DLG2: variants seen among roughly 807,000 people sequenced by gnomAD.
DLG2 encodes the protein disks large homolog 2.
A neutral mutation model predicts 132.5 loss-of-function variants in DLG2; 45 were observed. The ratio of observed to expected loss-of-function variants is 0.34; its 90% CI spans 0.27 to 0.44. The LOEUF is 0.44. Among genes scored for constraint, DLG2 ranks in the 20% least tolerant of loss-of-function variants. The pLI, the probability that DLG2 is intolerant of heterozygous loss-of-function variation, is 1.00. For missense variants in DLG2, 1,045 were observed against 1,196.9 expected, an observed-to-expected ratio of 0.87 and a Z score of 1.87; for synonymous variants, 424 against 419.6, an observed-to-expected ratio of 1.01 and a Z score of -0.13.
At chr11:83,573,308 T>C (rs1313734940) in intron 19 of DLG2, among the ~76,000 whole-genome samples, 2 of 152,172 alleles carry the variant, frequency 1.3e-5, no homozygotes, top group African/African-American at 4.8e-5. Flanking sequence ...CTCTATGTCA[T>C]CAGTTAGGCA....
At chr11:84,457,164 A>G (rs1180980238) in intron 7 of DLG2, among the ~76,000 whole-genome samples, 1 of 151,210 alleles carries the variant, frequency 6.6e-6, no homozygotes, top group Admixed American at 6.6e-5. Flanking sequence ...AACAGAAAAC[A>G]TAAAACCTGA....
intron 7 of DLG2, among the ~76,000 whole-genome samples, chr11:84,508,040 A>G (rs1426192692): frequency 6.6e-6 from 1 of 152,192 alleles, no homozygotes; most frequent in Non-Finnish European, 1.5e-5. Context: ...AGTCAAAATA[A>G]TCCTTTTCAA....
At chr11:84,696,107 A>G (rs2058587117) in intron 6 of DLG2, among the ~76,000 whole-genome samples, 1 of 151,572 alleles carries the variant, frequency 6.6e-6, no homozygotes, top group Admixed American at 6.6e-5. Flanking sequence ...ATAAAATTGA[A>G]TAAGTAGAAG....
chr11:85,075,756 A>T (rs565917904), intron 6 of DLG2, among the ~76,000 whole-genome samples: 1 of 152,040 alleles, frequency 6.6e-6, no homozygotes, highest in African/African-American at 2.4e-5. Flanking sequence ...ACTCTCAGAA[A>T]ATATATAATA....
chr11:84,365,298 G>A (rs1187825901), intron 7 of DLG2, among the ~76,000 whole-genome samples: 455 of 152,082 alleles, frequency 3.0e-3, no homozygotes, highest in African/African-American at 0.011. Flanking sequence ...GTTTATTTGC[G>A]TAGAGGTGTT....
chr11:83,731,417 TG>T (rs2090984985), intron 18 of DLG2, among the ~76,000 whole-genome samples: 1 of 152,236 alleles, frequency 6.6e-6, no homozygotes, highest in Non-Finnish European at 1.5e-5. Flanking sequence ...GTTAGTTTGC[TG>T]AGGATGGTGG....
rs568970070 is a variant in DLG2 at position 85,007,094 on chromosome 11, G to A, written c.357+104567C>T. On this transcript the variant is annotated intron_variant, in intron 6 of 27. Coordinates refer to ENST00000376104, the MANE Select transcript of DLG2 (RefSeq NM_001142699.3). ...GATGATTTTATTCTTATGAAACTCC[G>A]TGAATTAGAAGTCATGGTTGCAAAT... 2.4e-4 allele frequency among the ~76,000 whole-genome samples: 36 copies of A among 152,064 alleles called. No homozygotes were observed. In the East Asian group the frequency reaches 5.6e-3, roughly 24 times the overall value.
intron 7 of DLG2, among the ~76,000 whole-genome samples, chr11:84,483,829 T>C (rs935653648): frequency 1.3e-5 from 2 of 152,180 alleles, no homozygotes; most frequent in African/African-American, 4.8e-5. Context: ...TTAATGGATC[T>C]AAGGAAAGAA....
intron 11 of DLG2, among the ~76,000 whole-genome samples, chr11:84,022,133 T>G (rs902111850): frequency 2.0e-5 from 3 of 152,176 alleles, no homozygotes; most frequent in South Asian, 2.1e-4. Flanking sequence ...TTTCAAGTGT[T>G]ACCACCATTA....
At chr11:84,810,194 A>G (rs1056841998) in intron 6 of DLG2, among the ~76,000 whole-genome samples, 1 of 152,120 alleles carries the variant, frequency 6.6e-6, no homozygotes, top group Non-Finnish European at 1.5e-5. Context: ...ATAGGAGAAA[A>G]TATTTGTAAA....
At chr11:84,523,872 T>G (rs1400477374) in intron 7 of DLG2, among the ~76,000 whole-genome samples, 1 of 152,222 alleles carries the variant, frequency 6.6e-6, no homozygotes, top group Non-Finnish European at 1.5e-5. Context: ...TTATTATGAT[T>G]TTAATAACCT....
At chr11:84,353,376 AC>A (rs1392645409) in intron 7 of DLG2, among the ~76,000 whole-genome samples, 3 of 152,144 alleles carry the variant, frequency 2.0e-5, no homozygotes, top group Admixed American at 2.0e-4. Flanking sequence ...TTGGTGAATG[AC>A]ACTGCCATTC....
rs538844880 is a variant in DLG2 at position 85,470,610 on chromosome 11, G to C, written c.40+128047C>G. ...TGGTGTTGCATTCCCCAGCTACTCA[G>C]GGGGCTGAGGCTGAGGCTGAGGCAT... On this transcript the variant is annotated intron_variant, in intron 3 of 27. Transcript: ENST00000376104. Among the ~76,000 whole-genome samples the C allele has an allele frequency of 9.9e-5, 15 of 152,244 alleles. No individual in the cohort carries two copies. The South Asian group carries it at 2.5e-3, about 25-fold the overall frequency.
chr11:83,850,953 G>T (rs540142075), intron 16 of DLG2, among the ~76,000 whole-genome samples: 7 of 151,994 alleles, frequency 4.6e-5, no homozygotes, highest in Non-Finnish European at 1.0e-4. Context: ...GAGGCGGGCA[G>T]ATCACGAGGT....
chr11:84,811,252 T>A (rs2153971995), intron 6 of DLG2, among the ~76,000 whole-genome samples: 1 of 152,212 alleles, frequency 6.6e-6, no homozygotes, highest in Middle Eastern at 3.4e-3. Context: ...CCAGCTGGTA[T>A]ATAAGGTATG....
chr11:83,881,285 G>C (rs947819966), intron 15 of DLG2, among the ~76,000 whole-genome samples: 3 of 152,054 alleles, frequency 2.0e-5, no homozygotes, highest in South Asian at 2.1e-4. Context: ...TTATATATTT[G>C]TGACCTCAAA....
chr11:83,676,392 C>T (rs1365981566), intron 18 of DLG2, among the ~76,000 whole-genome samples: 3 of 152,158 alleles, frequency 2.0e-5, no homozygotes, highest in Non-Finnish European at 4.4e-5. Context: ...GCTAGCTTTA[C>T]TGATGTACTT....
At chr11:83,473,832 G>T (rs759091925) in intron 22 of DLG2, among the ~76,000 whole-genome samples, 103 of 152,214 alleles carry the variant, frequency 6.8e-4, no homozygotes, top group Non-Finnish European at 1.2e-3. Flanking sequence ...ACCACAGAAA[G>T]AGAGGTAATT....
intron 6 of DLG2, among the ~76,000 whole-genome samples, chr11:84,970,383 C>G (rs765431492): frequency 9.9e-5 from 15 of 152,250 alleles, no homozygotes; most frequent in Admixed American, 1.3e-4. Flanking sequence ...TTCATTCATT[C>G]AGTACATTTT....
Sources: allele counts gnomAD v4.1 joint callset (sites outside exome capture counted in the v4.1 genomes callset), GRCh38; gene constraint gnomAD v4.1.1; transcripts MANE v1.5; gene names NCBI Gene and HGNC (gene_info 2026-07-23, HGNC 2026-07-21).